The following PPP1R3A variants were observed in gnomAD, a reference collection of about 807,000 sequenced individuals.
PPP1R3A encodes the protein protein phosphatase 1 regulatory subunit 3A.
Under a neutral mutation model 41.7 loss-of-function variants are expected in PPP1R3A, and 29 were observed. The ratio of observed to expected loss-of-function variants is 0.70; its 90% CI spans 0.52 to 0.95. The LOEUF (loss-of-function observed/expected upper bound fraction) is 0.95, where lower values mean the gene tolerates loss of function less well. PPP1R3A is among the 40% of genes least tolerant of loss of function. PPP1R3A has a pLI of 0.00. For synonymous variants in PPP1R3A, 485 were observed against 453.4 expected (o/e 1.07, Z -0.89); for missense variants, 1,352 against 1,292.4 (o/e 1.05, Z -0.71).
At chr7:113,912,531 C>T (rs903027195) in intron 1 of PPP1R3A, among the ~76,000 whole-genome samples, 1 of 152,000 alleles carries the variant, frequency 6.6e-6, no homozygotes, top group Non-Finnish European at 1.5e-5. Flanking sequence ...CCTGGGCAAT[C>T]GGATCCACTT....
intron 1 of PPP1R3A, among the ~76,000 whole-genome samples, chr7:113,909,430 A>T (rs574788858): frequency 6.6e-6 from 1 of 152,142 alleles, no homozygotes; most frequent in East Asian, 1.9e-4. Context: ...AAATACTGTA[A>T]TAATAGTACC....
At chr7:113,887,576 G>A (rs1796806363) in intron 1 of PPP1R3A, among the ~76,000 whole-genome samples, 1 of 152,104 alleles carries the variant, frequency 6.6e-6, no homozygotes, top group African/African-American at 2.4e-5. Flanking sequence ...AAGAAGAAAG[G>A]ACAGAAGTTA....
intron 1 of PPP1R3A, among the ~76,000 whole-genome samples, chr7:113,911,356 G>T (rs1186340340): frequency 6.6e-6 from 1 of 152,072 alleles, no homozygotes; most frequent in African/African-American, 2.4e-5. Context: ...ACTCTGAAAA[G>T]AGATATATTC....
chr7:113,899,212 A>C (rs114243399), intron 1 of PPP1R3A, among the ~76,000 whole-genome samples: 3 of 151,810 alleles, frequency 2.0e-5, no homozygotes, highest in Non-Finnish European at 4.4e-5. Context: ...AGTTCAGTTC[A>C]TGATGTACCC....
rs1796627731 is a variant in PPP1R3A, at chr7:113,878,949, AAG to A, written c.2141_2142del (p.Ser714PhefsTer4). ...TCAGTAATGCCATGATCAGCTAGAG[AAG>A]ACAGTTCACAGCACACTGTTTCTTG... ...TCQETVCCEL[S>X]SLADHGITEK... is the part of the protein sequence containing the mutation. On this transcript the variant is annotated frameshift_variant, in exon 4 of 4. Transcript: ENST00000284601. LOFTEE classifies it low-confidence loss of function (END_TRUNC). 2 of 1,613,342 alleles carry A rather than the reference AAG, an allele frequency of 1.2e-6. No individual in the cohort carries two copies. The highest frequency in any genetic ancestry group is 1.7e-5 in the Admixed American group (1 of 59,924).
chr7:113,907,524 A>T (rs926382615), intron 1 of PPP1R3A, among the ~76,000 whole-genome samples: 2 of 151,738 alleles, frequency 1.3e-5, no homozygotes, highest in Non-Finnish European at 2.9e-5. Context: ...TTTAACCAAA[A>T]AAAAAAATCA....
At chr7:113,892,920 T>TG (rs1246870004) in intron 1 of PPP1R3A, among the ~76,000 whole-genome samples, 2 of 152,058 alleles carry the variant, frequency 1.3e-5, no homozygotes. Context: ...ACCGACACAT[T>TG]GTTTTTTTGT....
intron 1 of PPP1R3A, among the ~76,000 whole-genome samples, chr7:113,915,667 A>G (rs1231235950): frequency 6.6e-6 from 1 of 150,834 alleles, no homozygotes; most frequent in African/African-American, 2.4e-5. Flanking sequence ...GAAAGAAATA[A>G]CCTCCAAATT....
intron 1 of PPP1R3A, among the ~76,000 whole-genome samples, chr7:113,885,943 T>C (rs1000506528): frequency 1.3e-5 from 2 of 149,540 alleles, no homozygotes; most frequent in Non-Finnish European, 3.0e-5. Flanking sequence ...TATATAACTA[T>C]GTATATAGCA....
Position 113,918,226 on chromosome 7 carries a change from C to T in PPP1R3A, c.771G>A (p.Lys257=). The change falls in exon 1 of 4, where the codon AAG becomes AAA. Residue 257 remains lysine (K), a synonymous_variant. Coordinates refer to ENST00000284601, the MANE Select transcript of PPP1R3A (RefSeq NM_002711.4). ...AGATATATCCTCACCTTGATTTTACCTTTAAGCAGCCTTTTATTTGTCTGT... is the reference window on the plus strand; with the variant it reads ...AGATATATCCTCACCTTGATTTTACTTTTAAGCAGCCTTTTATTTGTCTGT... ...VPNRQIKGCL[K]VKSSKEESSV... 1 of 1,600,356 alleles carries T rather than the reference C, an allele frequency of 6.2e-7. No homozygotes were observed. Among genetic ancestry groups the T allele is most frequent in the South Asian group, 1.1e-5 (1 of 88,622 alleles).
chr7:113,881,828 A>G (rs1796699377), intron 3 of PPP1R3A, among the ~76,000 whole-genome samples: 1 of 152,072 alleles, frequency 6.6e-6, no homozygotes, highest in Non-Finnish European at 1.5e-5. Flanking sequence ...ATAAGAAATG[A>G]ATGTCATTAA....
Position 113,880,115 on chromosome 7 carries a change from TGTTG to T in PPP1R3A, c.973_976del (p.Gln325ThrfsTer2), listed in dbSNP as rs1420704448. ...AGCAGTACTTCTGGTTCTTATTAAG[TGTTG>T]ATTTATCTTATGGGATAAAAACAAC... On this transcript the variant is annotated frameshift_variant, in exon 4 of 4. Transcript: ENST00000284601. LOFTEE classifies it low-confidence loss of function (END_TRUNC). 1 of 1,593,316 alleles carries T rather than the reference TGTTG, an allele frequency of 6.3e-7. No homozygotes were observed. The highest frequency in any genetic ancestry group is 1.3e-5 in the African/African-American group (1 of 74,306).
In PPP1R3A at chr7:113,877,547, G is replaced by T; in HGVS notation, c.*176C>A. 5 of 603,942 alleles carry T rather than the reference G, an allele frequency of 8.3e-6. No homozygotes were observed. The South Asian group carries it at 1.6e-4, about 19-fold the overall frequency. 37.4% of individuals were successfully genotyped at this position (603,942 alleles called of 1,614,324 possible). On this transcript the variant is annotated 3_prime_UTR_variant, in exon 4 of 4. Coordinates refer to ENST00000284601, the MANE Select transcript of PPP1R3A (RefSeq NM_002711.4). ...AGGTATTTAATGATCCAAACATAAT[G>T]GTCCTATATAGAATAATTACTTATA...
intron 3 of PPP1R3A, among the ~76,000 whole-genome samples, chr7:113,880,424 C>G (rs1456677332): frequency 6.6e-6 from 1 of 152,066 alleles, no homozygotes; most frequent in Non-Finnish European, 1.5e-5. Flanking sequence ...TTTCTCCTCA[C>G]TTAGACTATA....
At chr7:113,896,596 T>G (rs952190508) in intron 1 of PPP1R3A, among the ~76,000 whole-genome samples, 1 of 151,814 alleles carries the variant, frequency 6.6e-6, no homozygotes, top group African/African-American at 2.4e-5. Flanking sequence ...TTGAATAATT[T>G]GGACTGAAGG....
chr7:113,886,191 C>T (rs570899065), intron 1 of PPP1R3A, among the ~76,000 whole-genome samples: 14 of 151,932 alleles, frequency 9.2e-5, no homozygotes, highest in Middle Eastern at 3.4e-3. Flanking sequence ...TTATATCAGG[C>T]GGTGATATGG....
intron 1 of PPP1R3A, among the ~76,000 whole-genome samples, chr7:113,915,870 A>G (rs1252317100): frequency 6.6e-6 from 1 of 152,052 alleles, no homozygotes; most frequent in East Asian, 1.9e-4. Flanking sequence ...ACTCTTCACA[A>G]TAAAATCCAA....
chr7:113,897,145 C>G (rs1796989639), intron 1 of PPP1R3A, among the ~76,000 whole-genome samples: 1 of 151,838 alleles, frequency 6.6e-6, no homozygotes. Context: ...CTATTTCTCT[C>G]TTAAATTTCA....
At position 113,878,882 on chromosome 7, in the gene PPP1R3A, G is replaced by C; in HGVS notation, c.2210C>G (p.Ser737Ter). The C allele has an allele frequency of 6.2e-7, 1 of 1,612,864 alleles. No homozygotes were observed. The highest frequency in any genetic ancestry group is 1.1e-5 in the South Asian group (1 of 91,074). Residue 737 changes from serine to a stop codon, truncating the protein, a stop_gained, in exon 4 of 4, where the codon TCA becomes TGA. Coordinates refer to ENST00000284601, the MANE Select transcript of PPP1R3A (RefSeq NM_002711.4). LOFTEE classifies it low-confidence loss of function (END_TRUNC). The part of the protein sequence containing the change: ...AGTAYIIKTT[S>*]ESTPESMSAR... ...AGACATGCTTTCTGGAGTACTTTCT[G>C]ATGTTGTCTTAATTATATAGGCTGT...
Sources: gnomAD v4.1 joint callset for allele counts (sites outside exome capture counted in the v4.1 genomes callset) on GRCh38, gnomAD v4.1.1 for gene constraint, MANE v1.5 for transcripts, NCBI Gene and HGNC (gene_info 2026-07-23, HGNC 2026-07-21) for gene names.